KIF3C: variants seen among roughly 807,000 people sequenced by gnomAD.
KIF3C encodes the protein kinesin family member 3C.
In KIF3C, 12 loss-of-function variants were observed where a neutral mutation model predicts 67.7. The observed-to-expected ratio is 0.18, with a 90% CI of 0.11 to 0.29. The LOEUF (loss-of-function observed/expected upper bound fraction) is 0.29. KIF3C is among the 10% of genes least tolerant of loss of function. KIF3C has a pLI of 1.00. For missense variants in KIF3C, 789 were observed against 1,059.6 expected (o/e 0.74, Z 3.55); for synonymous variants, 393 against 426.2 (o/e 0.92, Z 0.96).
At chr2:25,938,372 A>AT (rs397873309) in intron 5 of KIF3C, 1 of 389,522 alleles carries the variant, frequency 2.6e-6, no homozygotes, top group African/African-American at 2.1e-5. Flanking sequence ...AAAAAAAAAA[A>AT]TTATTTTGTG....
At chr2:25,943,932 G>A (rs1030746877) in intron 5 of KIF3C, among the ~76,000 whole-genome samples, 61 of 151,388 alleles carry the variant, frequency 4.0e-4, no homozygotes, top group African/African-American at 1.5e-3. Context: ...TTAAAGTTCT[G>A]AAATAAATAT....
At chr2:25,951,117 T>C (rs557674488) in intron 5 of KIF3C, among the ~76,000 whole-genome samples, 69 of 152,132 alleles carry the variant, frequency 4.5e-4, no homozygotes, top group African/African-American at 1.6e-3. Context: ...TCTCTATATA[T>C]TTGCAATTAA....
chr2:25,964,767 C>G (rs1391804075), intron 1 of KIF3C, among the ~76,000 whole-genome samples: 3 of 152,242 alleles, frequency 2.0e-5, no homozygotes, highest in Non-Finnish European at 4.4e-5. Context: ...CCAACTCACC[C>G]AGTTCTTGAA....
At chr2:25,934,076 G>A (rs532082630) in intron 5 of KIF3C, 24 of 466,776 alleles carry the variant, frequency 5.1e-5, no homozygotes, top group African/African-American at 4.0e-4. Flanking sequence ...CAACATGGAC[G>A]AACCTTGAAA....
chr2:25,966,112 C>T (rs1413878515), intron 1 of KIF3C, among the ~76,000 whole-genome samples: 2 of 145,298 alleles, frequency 1.4e-5, no homozygotes, highest in Non-Finnish European at 3.0e-5. Context: ...TCTAGATGCT[C>T]TTTTTTTTTT....
chr2:25,965,850 G>A (rs551036815), intron 1 of KIF3C, among the ~76,000 whole-genome samples: 1 of 152,184 alleles, frequency 6.6e-6, no homozygotes, highest in South Asian at 2.1e-4. Flanking sequence ...CTGGGGACAG[G>A]ATTGGGTTTG....
chr2:25,967,194 G>T (rs941123776), intron 1 of KIF3C, among the ~76,000 whole-genome samples: 5 of 152,202 alleles, frequency 3.3e-5, no homozygotes, highest in Non-Finnish European at 7.3e-5. Context: ...GCTTCTGCCT[G>T]TGTGAGAGTC....
chr2:25,968,011 C>T (rs1057172821), intron 1 of KIF3C, among the ~76,000 whole-genome samples: 3 of 152,326 alleles, frequency 2.0e-5, no homozygotes, highest in Admixed American at 2.0e-4. Flanking sequence ...ACAATCTCAA[C>T]AGACCCCGCT....
At chr2:25,977,749 C>G (rs1459921680) in intron 1 of KIF3C, among the ~76,000 whole-genome samples, 3 of 152,048 alleles carry the variant, frequency 2.0e-5, no homozygotes, top group Non-Finnish European at 1.5e-5. Context: ...CTCTAACATG[C>G]TCCTCCCCTC....
chr2:25,973,478 C>T (rs891224824), intron 1 of KIF3C, among the ~76,000 whole-genome samples: 2 of 151,284 alleles, frequency 1.3e-5, no homozygotes, highest in Non-Finnish European at 2.9e-5. Flanking sequence ...TGCTTGAACC[C>T]GGGAAGCGGA....
intron 1 of KIF3C, among the ~76,000 whole-genome samples, chr2:25,971,978 C>T (rs999262226): frequency 6.7e-6 from 1 of 148,532 alleles, no homozygotes; most frequent in Non-Finnish European, 1.5e-5. Flanking sequence ...CCTCCTACCT[C>T]ACCCTCCCAA....
chr2:25,935,234 A>G (rs1663067026), intron 5 of KIF3C, among the ~76,000 whole-genome samples: 1 of 152,086 alleles, frequency 6.6e-6, no homozygotes. Context: ...ACAGAGTGAG[A>G]CTCAGTCTTA....
At chr2:25,932,952 T>A (rs572190918) in intron 5 of KIF3C, among the ~76,000 whole-genome samples, 1 of 150,042 alleles carries the variant, frequency 6.7e-6, no homozygotes, top group Non-Finnish European at 1.5e-5. Context: ...ATTAATGAAA[T>A]AGAACTGAAA....
At chr2:25,979,809 T>A (rs1664517279) in intron 1 of KIF3C, among the ~76,000 whole-genome samples, 1 of 152,148 alleles carries the variant, frequency 6.6e-6, no homozygotes, top group Non-Finnish European at 1.5e-5. Flanking sequence ...GGAACCTTGG[T>A]CACGTCACTT....
chr2:25,970,955 C>T (rs1314217970), intron 1 of KIF3C, among the ~76,000 whole-genome samples: 22 of 98,204 alleles, frequency 2.2e-4, no homozygotes, highest in African/African-American at 8.6e-4. Context: ...GAAACCCTGT[C>T]TCTATGAAGG....
At chr2:25,952,626 CA>C (rs1351989787) in intron 4 of KIF3C, among the ~76,000 whole-genome samples, 1 of 150,918 alleles carries the variant, frequency 6.6e-6, no homozygotes, top group Non-Finnish European at 1.5e-5. Flanking sequence ...GGCACGATCT[CA>C]GCTCACTGCA....
At chr2:25,977,257 G>A (rs576898886) in intron 1 of KIF3C, among the ~76,000 whole-genome samples, 10 of 152,258 alleles carry the variant, frequency 6.6e-5, no homozygotes, top group African/African-American at 2.4e-4. Flanking sequence ...GGAGGTGGCA[G>A]GCAGGGAGAG....
At position 25,928,747 on chromosome 2, in the gene KIF3C, AG is replaced by A. The variant is rs2090431877; in HGVS notation, c.*230del. ...TGACCACGGTAGGCCCAGACGGCTC[AG>A]GCGAGGGCATCTCCCCAACACGAAC... On this transcript the variant is annotated 3_prime_UTR_variant, in exon 8 of 8. Transcript: ENST00000264712. 2.1e-6 allele frequency: 1 copy of A among 468,164 alleles called. No homozygotes were observed. The highest frequency in any genetic ancestry group is 3.8e-5 in the East Asian group (1 of 26,158). 29.0% of individuals were successfully genotyped at this position (468,164 alleles called of 1,614,324 possible).
At position 25,958,008 on chromosome 2, in the gene KIF3C, C is replaced by G. The variant is rs985503691; in HGVS notation, c.1546-1564G>C. Among the ~76,000 whole-genome samples, 12 of 152,322 alleles carry G rather than the reference C, an allele frequency of 7.9e-5. No homozygotes were observed. Among genetic ancestry groups the G allele is most frequent in the African/African-American group, 2.6e-4 (11 of 41,574 alleles). ...CACTCCAGGTCAGCATTTGCAGGAC[C>G]ATGAGAGGGAAGAATCCCTTACACT... On this transcript the variant is annotated intron_variant, in intron 1 of 7. Transcript: ENST00000264712. The surrounding 1 kb of genome is among the most constrained non-coding windows in gnomAD (Gnocchi z 4.5).
Sources: allele counts gnomAD v4.1 joint callset (sites outside exome capture counted in the v4.1 genomes callset), GRCh38; gene constraint gnomAD v4.1.1; non-coding constraint Gnocchi (gnomAD v3.1); transcripts MANE v1.5; gene names NCBI Gene and HGNC (gene_info 2026-07-23, HGNC 2026-07-21).